Variants in DKC1 observed in about 807,000 individuals in gnomAD.
DKC1 encodes dyskerin pseudouridine synthase 1, also known as H/ACA ribonucleoprotein complex subunit DKC1.
A neutral mutation model predicts 46.7 loss-of-function variants in DKC1; 4 were observed. That is an observed-to-expected ratio of 0.09 (90% CI 0.04 to 0.20). The LOEUF (loss-of-function observed/expected upper bound fraction) is 0.20, where lower values mean the gene tolerates loss of function less well. DKC1 is among the 10% of genes least tolerant of loss of function. DKC1 has a pLI of 1.00. For missense variants in DKC1, 171 were observed against 404.2 expected, an observed-to-expected ratio of 0.42 and a Z score of 4.95; for synonymous variants, 141 against 142.4, an observed-to-expected ratio of 0.99 and a Z score of 0.07.
rs781941481 is a variant in DKC1 at position 154,765,487 on chromosome X, A to G, written c.128A>G (p.Lys43Arg). 4 of 1,210,322 alleles carry G rather than the reference A, an allele frequency of 3.3e-6. No homozygotes were observed. The African/African-American group carries it at 5.2e-5, about 16-fold the overall frequency. The change falls in exon 3 of 15, where the codon AAA (lysine) becomes AGA (arginine). Residue 43 changes from lysine to arginine, a missense_variant. Lys to Arg is a conservative substitution (Grantham distance 26, BLOSUM62 2). Around this residue, in one of 4 missense-constraint regions of DKC1, gnomAD observed 41 missense variants for 117.3 expected, o/e 0.35. Coordinates refer to ENST00000369550, the MANE Select transcript of DKC1 (RefSeq NM_001363.5). ...GAATTTCTTATCAAACCTGAATCCA[A>G]AGTTGCTAAGTTGGACACGTCTCAG... The part of the protein sequence containing the change: ...AEEFLIKPES[K>R]VAKLDTSQWP...
In DKC1 at chrX:154,774,168, T is replaced by G. The variant is rs1183412513; in HGVS notation, c.1156-434T>G. On this transcript the variant is annotated intron_variant, in intron 11 of 14. Coordinates refer to ENST00000369550, the MANE Select transcript of DKC1 (RefSeq NM_001363.5). ...TAATCACACAGTGGAATGGCGAATT[T>G]CATGCACGTTAGTGGCTACCAAGGA... Among the ~76,000 whole-genome samples, 3 of 112,096 alleles carry G rather than the reference T, an allele frequency of 2.7e-5. No homozygotes were observed. In the Admixed American group the frequency reaches 2.8e-4, roughly 10 times the overall value.
intron 10 of DKC1, among the ~76,000 whole-genome samples, chrX:154,771,485 A>AT (rs58087354): frequency 6.4e-3 from 613 of 95,835 alleles, no homozygotes; most frequent in Middle Eastern, 0.034. Flanking sequence ...GCCGGGCCTG[A>AT]TTTTTTTTTT....
intron 13 of DKC1, 111 bp downstream of exon 13, chrX:154,775,384 A>G: frequency 1.3e-6 from 1 of 765,302 alleles, no homozygotes; most frequent in Non-Finnish European, 2.0e-6. Context: ...ATACGCTAGC[A>G]TCAGAGGTGC....
At chrX:154,772,373 C>G (rs782066776) in intron 10 of DKC1, among the ~76,000 whole-genome samples, 11 of 111,897 alleles carry the variant, frequency 9.8e-5, no homozygotes, top group African/African-American at 3.3e-5. Flanking sequence ...TTCTTGGCAC[C>G]TTTGTCAAAA....
At chrX:154,763,116 A>G (rs1366107612) in intron 1 of DKC1, 135 bp downstream of exon 1, 2 of 811,743 alleles carry the variant, frequency 2.5e-6, no homozygotes, top group African/African-American at 4.1e-5. Context: ...GCCCGGCCTT[A>G]AGCCGGCCTT....
At chrX:154,776,579 G>A (rs2071899298) in intron 14 of DKC1, among the ~76,000 whole-genome samples, 1 of 112,054 alleles carries the variant, frequency 8.9e-6, no homozygotes, top group African/African-American at 3.2e-5. Flanking sequence ...AGGATGTGTA[G>A]GATGGTGATC....
rs957113888 is a variant in DKC1, at chrX:154,777,498, G to C, written c.*631G>C. 8.9e-6 allele frequency: 1 copy of C among 111,988 alleles called. No homozygotes were observed. Among genetic ancestry groups the C allele is most frequent in the African/African-American group, 3.3e-5 (1 of 30,755 alleles). The allele number at this position is 111,988 out of a possible 1,213,427, so 9.2% of individuals were successfully genotyped here. On this transcript the variant is annotated 3_prime_UTR_variant, in exon 15 of 15. Transcript: ENST00000369550. Reference sequence around the variant, plus strand: ...CCTGTGCCCTCTTGTTTTAGGCCTCGTTTACTTTTAAAAAATGAAATTGTT... The same window carrying C: ...CCTGTGCCCTCTTGTTTTAGGCCTCCTTTACTTTTAAAAAATGAAATTGTT...
intron 9 of DKC1, 53 bp downstream of exon 9, chrX:154,769,363 G>A: frequency 8.8e-7 from 1 of 1,133,954 alleles, no homozygotes; most frequent in Non-Finnish European, 1.2e-6. Context: ...CCAAAGATGA[G>A]GCTTGCTCTT....
intron 7 of DKC1, 143 bp downstream of exon 7, chrX:154,767,525 ATCTTTTGTTG>A: frequency 1.3e-6 from 1 of 742,876 alleles, no homozygotes; most frequent in Admixed American, 2.6e-5. Flanking sequence ...AGTTTTTGTT[ATCTTTTGTTG>A]AAAAAGTGAA....
In DKC1 at chrX:154,777,065, G is replaced by A. The variant is rs1171069499; in HGVS notation, c.*198G>A. ...CTTGTCCTGTTTTAAGGATATGGGT[G>A]GTGAAAGATGAAAGAGGCAGAGTTT... On this transcript the variant is annotated 3_prime_UTR_variant, in exon 15 of 15. Transcript: ENST00000369550. 2 of 357,743 alleles carry A rather than the reference G, an allele frequency of 5.6e-6. No individual in the cohort carries two copies. The highest frequency in any genetic ancestry group is 1.0e-5 in the Non-Finnish European group (2 of 200,416). The allele number at this position is 357,743 out of a possible 1,213,427, so 29.5% of individuals were successfully genotyped here.
At chrX:154,773,817 C>T (rs2071856891) in intron 11 of DKC1, among the ~76,000 whole-genome samples, 2 of 112,494 alleles carry the variant, frequency 1.8e-5, no homozygotes, top group East Asian at 2.8e-4. Context: ...AGCTGTTGGG[C>T]ACACCTCCCA....
rs782380067 is a variant in DKC1, at chrX:154,772,598, A to T, written c.1037-533A>T. 6.2e-5 allele frequency among the ~76,000 whole-genome samples: 7 copies of T among 112,521 alleles called. No homozygotes were observed. In the South Asian group the frequency reaches 1.1e-3, roughly 17 times the overall value. On this transcript the variant is annotated intron_variant, in intron 10 of 14. Coordinates refer to ENST00000369550, the MANE Select transcript of DKC1 (RefSeq NM_001363.5). The stretch of plus-strand genomic sequence containing the variant: ...CTTTTGTGGTTCCATGTAAAGTACC[A>T]GTGTTTTTTAACTTGTGAAAGCTTA...
intron 10 of DKC1, among the ~76,000 whole-genome samples, chrX:154,772,003 T>A (rs1028833757): frequency 2.7e-5 from 3 of 112,545 alleles, no homozygotes; most frequent in African/African-American, 9.7e-5. Context: ...TTTCTCCACA[T>A]CCTTGCCAGC....
intron 10 of DKC1, among the ~76,000 whole-genome samples, chrX:154,771,602 G>A (rs1241573476): frequency 9.2e-6 from 1 of 108,684 alleles, no homozygotes; most frequent in South Asian, 4.0e-4. Flanking sequence ...CAATTGTTTC[G>A]ATTCTTAGCT....
In DKC1 at chrX:154,770,753, C is replaced by G. The variant is rs782345716; in HGVS notation, c.916-6C>G. Reference sequence around the variant, plus strand: ...GGGCCCCTTACACTTGGTGCCATCTCTGCAGGTAAATGCCATCTGCTATGG... The same window carrying G: ...GGGCCCCTTACACTTGGTGCCATCTGTGCAGGTAAATGCCATCTGCTATGG... On this transcript the variant is annotated splice_region_variant and splice_polypyrimidine_tract_variant and intron_variant, in intron 9 of 14. Transcript: ENST00000369550. The G allele has an allele frequency of 1.7e-6, 2 of 1,211,458 alleles. No individual in the cohort carries two copies. The highest frequency in any genetic ancestry group is 5.9e-5 in the East Asian group (2 of 33,844).
intron 1 of DKC1, among the ~76,000 whole-genome samples, chrX:154,763,288 T>A (rs1324008991): frequency 8.9e-6 from 1 of 112,298 alleles, no homozygotes; most frequent in African/African-American, 3.2e-5. Context: ...CGTGGCAGTG[T>A]CTGTGCTGCT....
At position 154,763,005 on chromosome X, in the gene DKC1, C is replaced by T. The variant is rs201004928; in HGVS notation, c.16+24C>T. ...AGGTAAGGGCTGCAGGCTTCCGGGC[C>T]GTGCTAACTCCGGGCGACTCGGGGA... On this transcript the variant is annotated intron_variant, in intron 1 of 14. Coordinates refer to ENST00000369550, the MANE Select transcript of DKC1 (RefSeq NM_001363.5). 62 of 1,169,804 alleles carry T rather than the reference C, an allele frequency of 5.3e-5. No individual in the cohort carries two copies. The Middle Eastern group carries it at 1.6e-3, about 31-fold the overall frequency.
intron 14 of DKC1, 67 bp downstream of exon 14, chrX:154,776,391 G>A: frequency 8.7e-7 from 1 of 1,145,938 alleles, no homozygotes; most frequent in Non-Finnish European, 1.2e-6. Flanking sequence ...AATTACCCAG[G>A]TGGTACCAGC....
rs782314350 is a variant in DKC1 at position 154,773,090 on chromosome X, T to C, written c.1037-41T>C. The C allele has an allele frequency of 7.4e-6, 7 of 951,850 alleles. 1 individual carries two copies. The South Asian group carries it at 1.4e-4, about 19-fold the overall frequency. 78.4% of individuals were successfully genotyped at this position (951,850 alleles called of 1,213,427 possible). A position where few individuals can be genotyped will look rare whatever the true frequency, so the allele number is the denominator to read the frequency against. The stretch of plus-strand genomic sequence containing the variant: ...TGGGGCTCATCAATTATCAATTCTT[T>C]CACCCTTCAAATAATTCTTTTCTTT... On this transcript the variant is annotated intron_variant, in intron 10 of 14. Coordinates refer to ENST00000369550, the MANE Select transcript of DKC1 (RefSeq NM_001363.5).
Sources: allele counts gnomAD v4.1 joint callset (sites outside exome capture counted in the v4.1 genomes callset), GRCh38; gene constraint gnomAD v4.1.1; regional missense constraint gnomAD v4.1.1; transcripts MANE v1.5; gene names NCBI Gene and HGNC (gene_info 2026-07-23, HGNC 2026-07-21).